RSPH10B2: variants seen among roughly 807,000 people sequenced by gnomAD.
The protein encoded by RSPH10B2 is radial spoke head 10 homolog B2.
RSPH10B2 carries 9 observed loss-of-function variants against 49.0 expected under a neutral mutation model. That is an observed-to-expected ratio of 0.18 (90% CI 0.11 to 0.32). The LOEUF is 0.32. RSPH10B2 is among the 10% of genes least tolerant of loss of function. The probability of loss-of-function intolerance (pLI) is 1.00; values close to 1 mark genes in which losing one functional copy is unlikely to be tolerated. For missense variants in RSPH10B2, 95 were observed against 589.9 expected, an observed-to-expected ratio of 0.16 and a Z score of 8.69; for synonymous variants, 35 against 210.2, an observed-to-expected ratio of 0.17 and a Z score of 7.21.
At chr7:6,785,395 C>T (rs111503230) in intron 13 of RSPH10B2, among the ~76,000 whole-genome samples, 17,300 of 147,744 alleles carry the variant, frequency 0.12, 2 homozygotes, top group Admixed American at 0.19. Context: ...CCAGGCTGAT[C>T]CCCAACGCCT....
intron 4 of RSPH10B2, among the ~76,000 whole-genome samples, chr7:6,765,061 A>G (rs1781418718): frequency 3.1e-5 from 1 of 32,580 alleles, no homozygotes; most frequent in Non-Finnish European, 6.5e-5. Flanking sequence ...TGTTCACTCC[A>G]GGTGGCAACA....
chr7:6,781,631 G>C, intron 13 of RSPH10B2, 155 bp downstream of exon 15: 1 of 919,250 alleles, frequency 1.1e-6, no homozygotes, highest in Non-Finnish European at 1.4e-6. Flanking sequence ...TCTCTTGGCA[G>C]AACAGTGGTC....
intron 15 of RSPH10B2, 24 bp downstream of exon 17, chr7:6,787,045 A>C: frequency 1.6e-6 from 1 of 606,492 alleles, no homozygotes; most frequent in South Asian, 2.0e-5. Context: ...TCTTAGAATT[A>C]GGTAATCTTA....
chr7:6,782,607 T>TAGAATAG (rs1328628844), intron 13 of RSPH10B2, among the ~76,000 whole-genome samples: 1 of 119,486 alleles, frequency 8.4e-6, no homozygotes, highest in African/African-American at 3.3e-5. Flanking sequence ...AGCAATAAAG[T>TAGAATAG]CAACTGAAAT....
intron 14 of RSPH10B2, 130 bp downstream of exon 16, chr7:6,786,186 T>TTTC: frequency 3.1e-6 from 1 of 321,438 alleles, no homozygotes. Flanking sequence ...TGCTTTTTTT[T>TTTC]TTTTTTTTTT....
chr7:6,791,342 C>T (rs1185280025), intron 16 of RSPH10B2, among the ~76,000 whole-genome samples: 7 of 143,312 alleles, frequency 4.9e-5, no homozygotes, highest in African/African-American at 1.9e-4. Flanking sequence ...TACCAACAGA[C>T]CCAGGTGACA....
At chr7:6,781,298 G>A in intron 12 of RSPH10B2, 30 bp from the exon 15 acceptor site, 2 of 1,295,540 alleles carry the variant, frequency 1.5e-6, no homozygotes, top group Non-Finnish European at 2.0e-6. Context: ...ACATAAATCT[G>A]TAATCATTTT....
At chr7:6,765,905 T>G (rs1781445658) in intron 5 of RSPH10B2, 114 bp downstream of exon 7, 1 of 929,558 alleles carries the variant, frequency 1.1e-6, no homozygotes, top group Non-Finnish European at 1.4e-6. Flanking sequence ...GAACATTTTC[T>G]CTCTAAGCAG....
In RSPH10B2 at chr7:6,797,144, G is replaced by T. The variant is rs1287452918; in HGVS notation, c.2432+378G>T. Among the ~76,000 whole-genome samples the T allele has an allele frequency of 1.5e-4, 21 of 142,784 alleles. 2 individuals carry two copies. The highest frequency in any genetic ancestry group is 5.1e-4 in the African/African-American group (20 of 39,418). 93.7% of individuals were successfully genotyped at this position (142,784 alleles called of 152,430 possible). ...TTGCCTCAGCCTCCCGAGTAGCTGG[G>T]ATTACAAGCATGCACCACCACGCCT... On this transcript the variant is annotated intron_variant, in intron 18 of 18. Coordinates refer to ENST00000297186, the Ensembl canonical transcript of RSPH10B2.
intron 4 of RSPH10B2, among the ~76,000 whole-genome samples, chr7:6,764,841 T>G (rs1244372714): frequency 8.2e-6 from 1 of 122,108 alleles, no homozygotes; most frequent in African/African-American, 3.1e-5. Context: ...TGCCTGATCA[T>G]GAGAAAGAAG....
rs1254653023 is a variant in RSPH10B2 at position 6,760,697 on chromosome 7, CTTAG to C, written c.399+413_399+416del. Among the ~76,000 whole-genome samples the C allele has an allele frequency of 1.5e-4, 12 of 78,244 alleles. 2 individuals carry two copies. The East Asian group carries it at 5.4e-3, about 35-fold the overall frequency. The allele number at this position is 78,244 out of a possible 152,430, so 51.3% of individuals were successfully genotyped here. A position where few individuals can be genotyped will look rare whatever the true frequency, so the allele number is the denominator to read the frequency against. The stretch of plus-strand genomic sequence containing the variant: ...TTATACACTCTCTTTGGCATATTTA[CTTAG>C]TTAGTTAGTGAGTCTGAGATGGGGT... On this transcript the variant is annotated intron_variant, in intron 3 of 18. Coordinates refer to ENST00000297186, the Ensembl canonical transcript of RSPH10B2.
intron 3 of RSPH10B2, among the ~76,000 whole-genome samples, chr7:6,763,518 C>G (rs547525598): frequency 0.011 from 1,307 of 122,324 alleles, 28 homozygotes; most frequent in African/African-American, 0.04. Context: ...AATTCCCGGC[C>G]TCAAGCAGTC....
chr7:6,795,588 A>C (rs1455786308), intron 17 of RSPH10B2, among the ~76,000 whole-genome samples: 1 of 119,374 alleles, frequency 8.4e-6, no homozygotes, highest in Non-Finnish European at 1.8e-5. Flanking sequence ...TGGGCAACAT[A>C]GCGAAACCTT....
intron 17 of RSPH10B2, among the ~76,000 whole-genome samples, chr7:6,796,310 T>A: frequency 8.2e-6 from 1 of 122,314 alleles, no homozygotes; most frequent in Admixed American, 9.2e-5. Flanking sequence ...TGAGACTCTG[T>A]CTCCAAAAAA....
intron 9 of RSPH10B2, among the ~76,000 whole-genome samples, chr7:6,775,062 TG>T (rs1781730739): frequency 8.2e-6 from 1 of 122,504 alleles, no homozygotes; most frequent in Non-Finnish European, 1.7e-5. Context: ...CCCGAGTAGC[TG>T]GGTCTACACC....
chr7:6,786,139 AT>A (rs1428336054), intron 14 of RSPH10B2, 83 bp downstream of exon 16: 311 of 320,462 alleles, frequency 9.7e-4, no homozygotes, highest in Middle Eastern at 3.8e-3. Context: ...AAGAACCAAG[AT>A]TTTTTTTTTC....
At chr7:6,781,395 T>C in exon 13 of RSPH10B2, 1 of 1,293,982 alleles carries the variant, frequency 7.7e-7, no homozygotes, top group Non-Finnish European at 1.0e-6. Context: ...GCTGGGAGAT[T>C]TATCTCGCTT....
intron 13 of RSPH10B2, among the ~76,000 whole-genome samples, chr7:6,783,702 G>A (rs1782028310): frequency 6.6e-6 from 1 of 151,444 alleles, no homozygotes; most frequent in African/African-American, 2.4e-5. Flanking sequence ...TGAACTCCTG[G>A]GCTCAAGCAG....
rs1781899936 is a variant in RSPH10B2 at position 6,780,651 on chromosome 7, C to T, written c.1530-158C>T. On this transcript the variant is annotated intron_variant, in intron 11 of 18. Transcript: ENST00000297186. Reference sequence around the variant, plus strand: ...CCGCCCACCTTGGCCTCCCAAAATGCTGGGATTATAGGTTTGAGCCACTGA... The same window carrying T: ...CCGCCCACCTTGGCCTCCCAAAATGTTGGGATTATAGGTTTGAGCCACTGA... Among the ~76,000 whole-genome samples, 2 of 118,014 alleles carry T rather than the reference C, an allele frequency of 1.7e-5. 1 individual carries two copies. The highest frequency in any genetic ancestry group is 3.5e-5 in the Non-Finnish European group (2 of 56,824). The allele number at this position is 118,014 out of a possible 152,430, so 77.4% of individuals were successfully genotyped here. A position where few individuals can be genotyped will look rare whatever the true frequency, so the allele number is the denominator to read the frequency against.
Sources: allele counts gnomAD v4.1 joint callset (sites outside exome capture counted in the v4.1 genomes callset), GRCh38; gene constraint gnomAD v4.1.1; transcripts MANE v1.5; gene names NCBI Gene and HGNC (gene_info 2026-07-23, HGNC 2026-07-21).